Variants in ALK observed in about 807,000 individuals in gnomAD.
The protein encoded by ALK is ALK tyrosine kinase receptor.
ALK carries 74 observed loss-of-function variants against 163.1 expected under a neutral mutation model. The observed-to-expected ratio is 0.45, with a 90% CI of 0.38 to 0.55. ALK has a LOEUF of 0.55. Ranked by LOEUF, ALK falls within the 20% of genes least tolerant of loss-of-function variation. The probability of loss-of-function intolerance (pLI) is 0.00; values close to 1 mark genes in which losing one functional copy is unlikely to be tolerated. For synonymous variants in ALK, 960 were observed against 843.2 expected, an observed-to-expected ratio of 1.14 and a Z score of -2.40; for missense variants, 2,063 against 2,105.3, an observed-to-expected ratio of 0.98 and a Z score of 0.39.
At chr2:29,364,946 C>T (rs183885290) in intron 5 of ALK, among the ~76,000 whole-genome samples, 1 of 152,296 alleles carries the variant, frequency 6.6e-6, no homozygotes, top group Non-Finnish European at 1.5e-5. Flanking sequence ...TTGAACATTT[C>T]TTGTGCCAGT....
intron 4 of ALK, among the ~76,000 whole-genome samples, chr2:29,453,005 T>C (rs1670860908): frequency 6.6e-6 from 1 of 152,186 alleles, no homozygotes; most frequent in South Asian, 2.1e-4. Flanking sequence ...TTAAATGCAA[T>C]GCAGGAAACG....
intron 2 of ALK, among the ~76,000 whole-genome samples, chr2:29,711,975 G>T (rs1053410607): frequency 2.0e-5 from 3 of 151,998 alleles, no homozygotes; most frequent in African/African-American, 7.3e-5. Context: ...TTTTCTTTCT[G>T]CATTTCCTTA....
intron 4 of ALK, among the ~76,000 whole-genome samples, chr2:29,406,738 G>A (rs998731067): frequency 6.6e-6 from 1 of 151,926 alleles, no homozygotes; most frequent in South Asian, 2.1e-4. Flanking sequence ...CATCTCTACT[G>A]AAAATACAAA....
At chr2:29,593,516 T>A (rs1333639956) in intron 3 of ALK, among the ~76,000 whole-genome samples, 1 of 152,106 alleles carries the variant, frequency 6.6e-6, no homozygotes, top group African/African-American at 2.4e-5. Flanking sequence ...TCCAGAAAGC[T>A]CCTAAGGACC....
In ALK at chr2:29,740,656, T is replaced by C. The variant is rs1451307056; in HGVS notation, c.668-22959A>G. Among the ~76,000 whole-genome samples, 3 of 152,330 alleles carry C rather than the reference T, an allele frequency of 2.0e-5. No homozygotes were observed. The East Asian group carries it at 5.8e-4, about 29-fold the overall frequency. On this transcript the variant is annotated intron_variant, in intron 1 of 28. Transcript: ENST00000389048. Reference sequence around the variant, plus strand: ...ATAGAGTATTTGATATTTAAAAATTTATTTAATTGTGGTACATCCCGATAA... The same window carrying C: ...ATAGAGTATTTGATATTTAAAAATTCATTTAATTGTGGTACATCCCGATAA...
intron 1 of ALK, among the ~76,000 whole-genome samples, chr2:29,898,210 T>C (rs1667322481): frequency 6.6e-6 from 1 of 152,222 alleles, no homozygotes; most frequent in South Asian, 2.1e-4. Flanking sequence ...GTCTGATTTT[T>C]TCGGTGAACC....
intron 1 of ALK, among the ~76,000 whole-genome samples, chr2:29,756,042 C>T (rs552757695): frequency 5.9e-5 from 9 of 152,326 alleles, no homozygotes; most frequent in South Asian, 2.1e-4. Context: ...GAGCACTGAG[C>T]GGGACTAATA....
intron 1 of ALK, among the ~76,000 whole-genome samples, chr2:29,852,002 GT>G (rs1481354989): frequency 6.6e-6 from 1 of 152,178 alleles, no homozygotes. Flanking sequence ...CCAAAGAAAA[GT>G]TTCTTCATAT....
intron 23 of ALK, among the ~76,000 whole-genome samples, chr2:29,219,604 A>G (rs1318470141): frequency 2.0e-5 from 3 of 152,232 alleles, no homozygotes; most frequent in African/African-American, 7.2e-5. Context: ...GCTCAGCTCC[A>G]GTTCCTGGTA....
At chr2:29,638,952 G>C (rs2148243674) in intron 3 of ALK, among the ~76,000 whole-genome samples, 1 of 152,274 alleles carries the variant, frequency 6.6e-6, no homozygotes, top group African/African-American at 2.4e-5. Flanking sequence ...CCACATGGTT[G>C]CTCCTGCTCT....
chr2:29,669,191 G>T (rs955139575), intron 3 of ALK, among the ~76,000 whole-genome samples: 5 of 151,908 alleles, frequency 3.3e-5, no homozygotes, highest in Non-Finnish European at 7.4e-5. Context: ...ACTAAAAGTG[G>T]GGTGTTAAAG....
intron 1 of ALK, among the ~76,000 whole-genome samples, chr2:29,908,867 G>T (rs1667623518): frequency 6.6e-6 from 1 of 152,152 alleles, no homozygotes; most frequent in African/African-American, 2.4e-5. Flanking sequence ...TACTTTGTCT[G>T]CCTTTTCTCC....
At chr2:29,393,705 C>T (rs1669236579) in intron 4 of ALK, among the ~76,000 whole-genome samples, 1 of 152,178 alleles carries the variant, frequency 6.6e-6, no homozygotes, top group Admixed American at 6.5e-5. Flanking sequence ...GTCTTTTGTC[C>T]TAGGAGTGTC....
intron 3 of ALK, among the ~76,000 whole-genome samples, chr2:29,650,211 G>T (rs1477101653): frequency 1.3e-5 from 2 of 152,146 alleles, no homozygotes; most frequent in African/African-American, 4.8e-5. Flanking sequence ...ATATGGATAG[G>T]TTAGCAGCTA....
At chr2:29,368,856 C>CAAAAGCCT (rs1202585771) in intron 5 of ALK, among the ~76,000 whole-genome samples, 1 of 152,120 alleles carries the variant, frequency 6.6e-6, no homozygotes, top group Non-Finnish European at 1.5e-5. Flanking sequence ...AAAACCCTGG[C>CAAAAGCCT]AAAAGCCTAG....
At chr2:29,269,938 A>G (rs1665336282) in intron 11 of ALK, among the ~76,000 whole-genome samples, 1 of 152,242 alleles carries the variant, frequency 6.6e-6, no homozygotes, top group African/African-American at 2.4e-5. Context: ...TGCCTGGGGC[A>G]CCGTCTTGAA....
At chr2:29,548,786 T>G (rs1673637019) in intron 3 of ALK, among the ~76,000 whole-genome samples, 1 of 152,208 alleles carries the variant, frequency 6.6e-6, no homozygotes, top group South Asian at 2.1e-4. Context: ...CTTATTTTCT[T>G]ATATCTTATC....
intron 9 of ALK, among the ~76,000 whole-genome samples, chr2:29,294,921 G>A (rs1056826105): frequency 1.3e-5 from 2 of 152,110 alleles, no homozygotes; most frequent in African/African-American, 2.4e-5. Context: ...TGATTTTAGC[G>A]AATGAAAACT....
At chr2:29,668,494 A>G (rs533335092) in intron 3 of ALK, among the ~76,000 whole-genome samples, 1 of 151,552 alleles carries the variant, frequency 6.6e-6, no homozygotes, top group South Asian at 2.1e-4. Context: ...TTTCCTTCTT[A>G]TTTTCTTCAT....
Sources: allele counts gnomAD v4.1 joint callset (sites outside exome capture counted in the v4.1 genomes callset), GRCh38; gene constraint gnomAD v4.1.1; transcripts MANE v1.5; gene names NCBI Gene and HGNC (gene_info 2026-07-23, HGNC 2026-07-21).